Variants in PASD1 observed in about 807,000 individuals in gnomAD.
PASD1 encodes the protein PAS domain containing repressor 1.
In PASD1, 13 loss-of-function variants were observed where a neutral mutation model predicts 58.8. The ratio of observed to expected loss-of-function variants is 0.22; its 90% CI spans 0.14 to 0.35. The LOEUF (loss-of-function observed/expected upper bound fraction) is 0.35, where lower values mean the gene tolerates loss of function less well. Ranked by LOEUF, PASD1 falls within the 10% of genes least tolerant of loss-of-function variation. The pLI, the probability that PASD1 is intolerant of heterozygous loss-of-function variation, is 1.00. For missense variants in PASD1, 734 were observed against 568.3 expected, an observed-to-expected ratio of 1.29 and a Z score of -2.96; for synonymous variants, 236 against 216.7, an observed-to-expected ratio of 1.09 and a Z score of -0.78.
intron 1 of PASD1, among the ~76,000 whole-genome samples, chrX:151,591,183 A>G (rs1014587517): frequency 1.8e-5 from 2 of 111,769 alleles, no homozygotes; most frequent in South Asian, 3.7e-4. Context: ...ACACTGATAC[A>G]TCTATATTAT....
At chrX:151,660,140 A>G (rs1338793394) in intron 10 of PASD1, among the ~76,000 whole-genome samples, 1 of 112,210 alleles carries the variant, frequency 8.9e-6, no homozygotes, top group Non-Finnish European at 1.9e-5. Flanking sequence ...CTATTCTGCT[A>G]TCACACAGTA....
At chrX:151,567,294 A>G (rs2012862056) in intron 1 of PASD1, among the ~76,000 whole-genome samples, 1 of 110,400 alleles carries the variant, frequency 9.1e-6, no homozygotes, top group African/African-American at 3.3e-5. Context: ...TATGCAACTG[A>G]TTCCACTTAC....
At chrX:151,572,894 T>G (rs2012945679) in intron 1 of PASD1, among the ~76,000 whole-genome samples, 1 of 104,144 alleles carries the variant, frequency 9.6e-6, no homozygotes, top group Non-Finnish European at 2.0e-5. Flanking sequence ...TAACTAACAG[T>G]TCTTTAGGTT....
At chrX:151,618,972 A>G (rs12852212) in intron 4 of PASD1, among the ~76,000 whole-genome samples, 42,924 of 110,233 alleles carry the variant, frequency 0.39, 6,376 homozygotes, top group African/African-American at 0.46. Context: ...AAAATTTGGA[A>G]TGAGCATAGG....
intron 11 of PASD1, among the ~76,000 whole-genome samples, chrX:151,670,286 A>G (rs1017676386): frequency 8.9e-6 from 1 of 111,978 alleles, no homozygotes; most frequent in African/African-American, 3.2e-5. Flanking sequence ...GTTGTAGAAC[A>G]CATCTTCTAG....
intron 1 of PASD1, among the ~76,000 whole-genome samples, chrX:151,575,559 C>G (rs1303958330): frequency 3.6e-5 from 4 of 111,682 alleles, no homozygotes; most frequent in African/African-American, 1.3e-4. Context: ...TTATATTTTA[C>G]TATGTACTTG....
chrX:151,676,514 A>C lies in PASD1; in HGVS notation c.*371A>C. ...AAAGAATAAAGAAAAAAAAATGCCA[A>C]AGTGCTTTTCAATCTAGTAAATCTA... On this transcript the variant is annotated 3_prime_UTR_variant, in exon 16 of 16. Transcript: ENST00000370357. 1 of 140,615 alleles carries C rather than the reference A, an allele frequency of 7.1e-6. No homozygotes were observed. The allele number at this position is 140,615 out of a possible 1,213,427, so 11.6% of individuals were successfully genotyped here. A position where few individuals can be genotyped will look rare whatever the true frequency, so the allele number is the denominator to read the frequency against.
At chrX:151,621,460 G>A in intron 5 of PASD1, 22 bp from the exon 6 acceptor site, 3 of 1,102,382 alleles carry the variant, frequency 2.7e-6, no homozygotes, top group Non-Finnish European at 3.7e-6. Flanking sequence ...GACTTGTTTT[G>A]TATTTCTTCT....
chrX:151,635,595 G>C (rs1289608627), intron 8 of PASD1, among the ~76,000 whole-genome samples: 1 of 112,187 alleles, frequency 8.9e-6, no homozygotes, highest in African/African-American at 3.2e-5. Flanking sequence ...TTACTTACTT[G>C]CTCAAATATC....
chrX:151,660,152 T>C (rs2014292802), intron 10 of PASD1, among the ~76,000 whole-genome samples: 1 of 112,083 alleles, frequency 8.9e-6, no homozygotes, highest in African/African-American at 3.2e-5. Flanking sequence ...CACACAGTAT[T>C]TGGATTCCAA....
intron 8 of PASD1, chrX:151,640,942 T>C (rs1209288578): frequency 8.9e-6 from 1 of 111,892 alleles, no homozygotes; most frequent in Non-Finnish European, 1.9e-5. Context: ...TTTTTGGTTA[T>C]TTTTATAGCA....
intron 1 of PASD1, among the ~76,000 whole-genome samples, chrX:151,576,663 A>C (rs1158245734): frequency 8.9e-6 from 1 of 111,746 alleles, no homozygotes; most frequent in Non-Finnish European, 1.9e-5. Context: ...GATCAATAAG[A>C]AGTGTGTGTG....
rs1186015361 is a variant in PASD1, at chrX:151,676,663, A to G, written c.*520A>G. On this transcript the variant is annotated 3_prime_UTR_variant, in exon 16 of 16. Transcript: ENST00000370357. The stretch of plus-strand genomic sequence containing the variant: ...TGGGACTCCAACTAAGGGAACCTGA[A>G]ATCAACTCAATGGAGGCACTTCAGA... 8.9e-6 allele frequency: 1 copy of G among 112,676 alleles called. No homozygotes were observed. The highest frequency in any genetic ancestry group is 3.2e-5 in the African/African-American group (1 of 30,814). The allele number at this position is 112,676 out of a possible 1,213,427, so 9.3% of individuals were successfully genotyped here.
chrX:151,611,805 G>T (rs765622081), intron 4 of PASD1, 52 bp downstream of exon 4: 3 of 908,638 alleles, frequency 3.3e-6, no homozygotes, highest in East Asian at 3.1e-5. Context: ...TGTTGTTTAG[G>T]GGTTCATTAT....
chrX:151,589,784 A>T (rs1388539845), intron 1 of PASD1, among the ~76,000 whole-genome samples: 1 of 111,812 alleles, frequency 8.9e-6, no homozygotes, highest in Admixed American at 9.5e-5. Context: ...CACACATACT[A>T]ATTGTAACAA....
intron 8 of PASD1, 137 bp downstream of exon 8, chrX:151,625,667 G>A: frequency 1.9e-6 from 1 of 517,063 alleles, no homozygotes; most frequent in Non-Finnish European, 3.2e-6. Flanking sequence ...AAACGGGCCA[G>A]GGATGGTGGC....
At chrX:151,605,345 CAT>C (rs892003852) in intron 3 of PASD1, among the ~76,000 whole-genome samples, 7 of 111,471 alleles carry the variant, frequency 6.3e-5, no homozygotes, top group South Asian at 3.8e-4. Flanking sequence ...ATAAAGTGAA[CAT>C]GTGTAAAATA....
chrX:151,669,801 A>G (rs1198483303), intron 11 of PASD1, among the ~76,000 whole-genome samples: 3 of 112,043 alleles, frequency 2.7e-5, no homozygotes, highest in Non-Finnish European at 5.6e-5. Context: ...CTGTTGATGA[A>G]TACTTGGGTT....
chrX:151,672,726 A>C (rs898928411), intron 14 of PASD1, 65 bp downstream of exon 14: 49 of 1,171,992 alleles, frequency 4.2e-5, no homozygotes, highest in Non-Finnish European at 5.6e-5. Flanking sequence ...GCTGGATCCC[A>C]TGCCTGAGAT....
Sources: allele counts gnomAD v4.1 joint callset (sites outside exome capture counted in the v4.1 genomes callset), GRCh38; gene constraint gnomAD v4.1.1; transcripts MANE v1.5; gene names NCBI Gene and HGNC (gene_info 2026-07-23, HGNC 2026-07-21).